The following EBPL variants were observed in gnomAD, a reference collection of about 807,000 sequenced individuals.
EBPL encodes the protein emopamil-binding protein-like.
In EBPL, 20 loss-of-function variants were observed where a neutral mutation model predicts 19.0. That is an observed-to-expected ratio of 1.05 (90% CI 0.74 to 1.53). The LOEUF is 1.53. Among genes scored for constraint, EBPL ranks in the 40% most tolerant of loss-of-function variants. The pLI, the probability that EBPL is intolerant of heterozygous loss-of-function variation, is 0.00. For synonymous variants in EBPL, 107 were observed against 117.0 expected, an observed-to-expected ratio of 0.91 and a Z score of 0.55; for missense variants, 219 against 261.1, an observed-to-expected ratio of 0.84 and a Z score of 1.11.
At chr13:49,663,320 C>A in intron 2 of EBPL, 125 bp from the exon 3 acceptor site, 1 of 1,271,558 alleles carries the variant, frequency 7.9e-7, no homozygotes, top group Middle Eastern at 1.9e-4. Flanking sequence ...GCATTCTTCA[C>A]GATGCCTTAG....
At chr13:49,669,975 G>C (rs960706024) in intron 1 of EBPL, 129 bp from the exon 2 acceptor site, 1 of 713,048 alleles carries the variant, frequency 1.4e-6, no homozygotes, top group African/African-American at 1.8e-5. Flanking sequence ...CCACAGCCTG[G>C]AAACATCCAT....
intron 1 of EBPL, among the ~76,000 whole-genome samples, chr13:49,681,791 T>C (rs932483004): frequency 6.6e-6 from 1 of 152,160 alleles, no homozygotes; most frequent in Non-Finnish European, 1.5e-5. Flanking sequence ...AAAGAACACA[T>C]ACTGAGGCTG....
intron 1 of EBPL, among the ~76,000 whole-genome samples, chr13:49,686,280 A>T (rs1953996695): frequency 2.0e-5 from 3 of 152,108 alleles, no homozygotes; most frequent in Non-Finnish European, 2.9e-5. Context: ...AAAAGAACCA[A>T]GAGCCCCCAG....
At chr13:49,683,483 C>T (rs1267792053) in intron 1 of EBPL, among the ~76,000 whole-genome samples, 11 of 151,884 alleles carry the variant, frequency 7.2e-5, no homozygotes, top group South Asian at 2.1e-4. Context: ...GTGAGCCGAT[C>T]GCACCACTGC....
rs778842594 is a variant in EBPL, at chr13:49,691,414, T to A, written c.11A>T (p.Glu4Val). The A allele has an allele frequency of 4.5e-6, 6 of 1,343,854 alleles. No homozygotes were observed. In the East Asian group the frequency reaches 1.7e-4, roughly 37 times the overall value. The allele number at this position is 1,343,854 out of a possible 1,614,324, so 83.2% of individuals were successfully genotyped here. A position where few individuals can be genotyped will look rare whatever the true frequency, so the allele number is the denominator to read the frequency against. Reference protein sequence around the residue: MGAEWELGAEAGGS... With the variant: MGAVWELGAEAGGS... The stretch of plus-strand genomic sequence containing the variant: ...GCCAGCCTCGGCCCCCAGCTCCCAC[T>A]CAGCGCCCATGCTTCAGGCTTCCGA... Residue 4 changes from glutamate to valine, a missense_variant, in exon 1 of 4, where the codon GAG becomes GTG. Glu to Val is a moderately radical substitution (Grantham distance 121). Coordinates refer to ENST00000242827, the MANE Select transcript of EBPL (RefSeq NM_032565.5).
At chr13:49,688,446 G>C (rs1282089128) in intron 1 of EBPL, among the ~76,000 whole-genome samples, 1 of 152,132 alleles carries the variant, frequency 6.6e-6, no homozygotes, top group Non-Finnish European at 1.5e-5. Flanking sequence ...GTGGCCAGGC[G>C]CAGTGGCTCA....
rs758894710 is a variant in EBPL, at chr13:49,669,845, T to G, written c.173A>C (p.Glu58Ala). The change falls in exon 2 of 4, where the codon GAA becomes GCA. Residue 58 changes from glutamate to alanine, a missense_variant and splice_region_variant. Around this residue, in one of 2 missense-constraint regions of EBPL, gnomAD observed 170 missense variants for 167.0 expected, o/e 1.02. Transcript: ENST00000242827. ...TAAAGACAAGTAGACAAAAGGGCCTTCCTAGAGAGGAGAAAATGAAGACAT... is the reference window on the plus strand; with the variant it reads ...TAAAGACAAGTAGACAAAAGGGCCTGCCTAGAGAGGAGAAAATGAAGACAT... ...CYDALVHFALEGPFVYLSLVG... is the reference protein window; with the variant it reads ...CYDALVHFALAGPFVYLSLVG... 7.4e-6 allele frequency: 12 copies of G among 1,612,876 alleles called. No homozygotes were observed. In the South Asian group the frequency reaches 1.1e-4, roughly 15 times the overall value.
intron 1 of EBPL, 115 bp downstream of exon 1, chr13:49,691,139 G>C (rs1156585197): frequency 4.1e-6 from 4 of 970,192 alleles, no homozygotes; most frequent in Admixed American, 4.5e-5. Context: ...TCCTGCAGCA[G>C]GGGGAGGGGC....
chr13:49,665,457 G>C (rs1308382911), intron 2 of EBPL, among the ~76,000 whole-genome samples: 2 of 152,246 alleles, frequency 1.3e-5, no homozygotes, highest in Non-Finnish European at 2.9e-5. Flanking sequence ...TTTTAATAGA[G>C]ATGGGGTTTC....
At chr13:49,673,596 C>T (rs1175977746) in intron 1 of EBPL, among the ~76,000 whole-genome samples, 4 of 152,088 alleles carry the variant, frequency 2.6e-5, no homozygotes, top group African/African-American at 7.2e-5. Context: ...ACCACCACGC[C>T]CACCTAATTT....
At chr13:49,684,262 T>G (rs1953973732) in intron 1 of EBPL, among the ~76,000 whole-genome samples, 2 of 152,226 alleles carry the variant, frequency 1.3e-5, no homozygotes. Flanking sequence ...TATACATAAA[T>G]TATAACAATA....
At chr13:49,685,122 G>A (rs1953983229) in intron 1 of EBPL, among the ~76,000 whole-genome samples, 1 of 152,146 alleles carries the variant, frequency 6.6e-6, no homozygotes, top group African/African-American at 2.4e-5. Flanking sequence ...ACATCTGGAA[G>A]GATAGATCAT....
chr13:49,687,969 A>C (rs1594418881), intron 1 of EBPL, among the ~76,000 whole-genome samples: 1 of 152,002 alleles, frequency 6.6e-6, no homozygotes, highest in South Asian at 2.1e-4. Flanking sequence ...CTTACCTGTC[A>C]CCTTTCCAGC....
Position 49,672,340 on chromosome 13 carries a change from C to T in EBPL, c.172-2494G>A, listed in dbSNP as rs577319908. Among the ~76,000 whole-genome samples, 129 of 152,278 alleles carry T rather than the reference C, an allele frequency of 8.5e-4. 1 individual carries two copies. Among genetic ancestry groups the T allele is most frequent in the Non-Finnish European group, 1.3e-3 (87 of 68,032 alleles). ...ATATCAAGTGTAACGAATATTCATG[C>T]CTTCAAATGCTGATCAGGTGTCACC... On this transcript the variant is annotated intron_variant, in intron 1 of 3. Coordinates refer to ENST00000242827, the MANE Select transcript of EBPL (RefSeq NM_032565.5).
At chr13:49,664,332 C>G (rs951183925) in intron 2 of EBPL, among the ~76,000 whole-genome samples, 1 of 152,064 alleles carries the variant, frequency 6.6e-6, no homozygotes, top group Admixed American at 6.5e-5. Context: ...AGGAGAGAGC[C>G]CAGACTGCAG....
intron 1 of EBPL, among the ~76,000 whole-genome samples, chr13:49,678,031 A>G (rs58325618): frequency 0.63 from 95,593 of 151,554 alleles, 31,856 homozygotes; most frequent in East Asian, 0.77. Context: ...AAGGGGACCC[A>G]AGCCGGTTGC....
At chr13:49,683,871 C>T (rs1953969899) in intron 1 of EBPL, among the ~76,000 whole-genome samples, 1 of 152,094 alleles carries the variant, frequency 6.6e-6, no homozygotes, top group African/African-American at 2.4e-5. Flanking sequence ...CCCACACAGA[C>T]TTGGATGCAG....
rs56059575 is a variant in EBPL at position 49,688,718 on chromosome 13, CAA to C, written c.171+2534_171+2535del. Among the ~76,000 whole-genome samples the C allele has an allele frequency of 5.1e-3, 489 of 95,316 alleles. 1 individual carries two copies. The highest frequency in any genetic ancestry group is 0.014 in the African/African-American group (353 of 25,010). 62.5% of individuals were successfully genotyped at this position (95,316 alleles called of 152,430 possible). ...TGGGTAATAGAGCGAGACTCCGTCT[CAA>C]AAAAAAAAAAAAAAAAAAAGAAGTG... On this transcript the variant is annotated intron_variant, in intron 1 of 3. Coordinates refer to ENST00000242827, the MANE Select transcript of EBPL (RefSeq NM_032565.5).
At chr13:49,678,227 A>T (rs190648278) in intron 1 of EBPL, among the ~76,000 whole-genome samples, 1 of 152,334 alleles carries the variant, frequency 6.6e-6, no homozygotes, top group East Asian at 1.9e-4. Context: ...TAGACACAAC[A>T]GTTCTCCAAG....
Sources: allele counts gnomAD v4.1 joint callset (sites outside exome capture counted in the v4.1 genomes callset), GRCh38; gene constraint gnomAD v4.1.1; regional missense constraint gnomAD v4.1.1; transcripts MANE v1.5; gene names NCBI Gene and HGNC (gene_info 2026-07-23, HGNC 2026-07-21).